The following AGGF1 variants were observed in gnomAD, a reference collection of about 807,000 sequenced individuals.
AGGF1 encodes angiogenic factor with G patch and FHA domains 1.
In AGGF1, 56 loss-of-function variants were observed where a neutral mutation model predicts 86.5. The observed-to-expected ratio is 0.65, with a 90% CI of 0.52 to 0.81. AGGF1 has a LOEUF of 0.81. Among genes scored for constraint, AGGF1 ranks in the 30% least tolerant of loss-of-function variants. The pLI is 0.00. For missense variants in AGGF1, 816 were observed against 850.9 expected (o/e 0.96, Z 0.51); for synonymous variants, 313 against 297.1 (o/e 1.05, Z -0.55).
intron 11 of AGGF1, among the ~76,000 whole-genome samples, chr5:77,057,611 AC>A (rs1467457538): frequency 9.2e-5 from 14 of 152,348 alleles, no homozygotes; most frequent in African/African-American, 3.1e-4. Context: ...CTTACTACTT[AC>A]AAATAGTGAG....
chr5:77,043,511 C>T (rs1405950533), intron 5 of AGGF1, among the ~76,000 whole-genome samples: 418 of 101,780 alleles, frequency 4.1e-3, no homozygotes, highest in Middle Eastern at 0.012. Flanking sequence ...CCCTCCCGGA[C>T]GGGGCGGCTG....
intron 8 of AGGF1, among the ~76,000 whole-genome samples, chr5:77,049,934 T>C (rs1747340481): frequency 6.6e-6 from 1 of 152,186 alleles, no homozygotes; most frequent in African/African-American, 2.4e-5. Flanking sequence ...TTTTCCTGTT[T>C]TGCTTTTCTC....
At chr5:77,059,036 C>T (rs1477393240) in intron 11 of AGGF1, among the ~76,000 whole-genome samples, 1 of 152,200 alleles carries the variant, frequency 6.6e-6, no homozygotes, top group Non-Finnish European at 1.5e-5. Context: ...AAAGTCTCTA[C>T]ATTTCTCCCT....
Position 77,048,187 on chromosome 5 carries a change from A to G in AGGF1, c.1228A>G (p.Ile410Val), listed in dbSNP as rs750070544. ...TGAAGACAAAATTTGGCCCCCATGT[A>G]TTAGAGTAATTGTCATTAGATCACC... ...EDEDKIWPPC[I>V]RVIVIRSPVL... Residue 410 changes from isoleucine (I) to valine (V), a missense_variant, in exon 7 of 14, where the codon ATT (isoleucine) becomes GTT (valine). Physicochemically the swap from Ile to Val is conservative, Grantham distance 29. Transcript: ENST00000312916. 16 of 1,613,244 alleles carry G rather than the reference A, an allele frequency of 9.9e-6. No individual in the cohort carries two copies. Among genetic ancestry groups the G allele is most frequent in the Middle Eastern group, 1.7e-4 (1 of 5,972 alleles).
Position 77,030,720 on chromosome 5 carries a change from C to A in AGGF1, c.-47C>A. 6.5e-7 allele frequency: 1 copy of A among 1,541,274 alleles called. No individual in the cohort carries two copies. Among genetic ancestry groups the A allele is most frequent in the Non-Finnish European group, 8.7e-7 (1 of 1,149,266 alleles). ...TGGGTCCGCCGGCGTCCGTTTCGGC[C>A]TGAACGCAGCCCCTCCGCGGCGACG... On this transcript the variant is annotated 5_prime_UTR_variant, in exon 1 of 14. It adds an upstream start codon to the 5' untranslated region. Coordinates refer to ENST00000312916, the MANE Select transcript of AGGF1 (RefSeq NM_018046.5).
In AGGF1 at chr5:77,052,814, G is replaced by T; in HGVS notation, c.1467+7G>T. ...TGGAAAACAGATTCTTCAGGTGAGT[G>T]TATATGTGTTAATTTGTTACCTGCA... On this transcript the variant is annotated splice_region_variant and intron_variant, in intron 9 of 13. Coordinates refer to ENST00000312916, the MANE Select transcript of AGGF1 (RefSeq NM_018046.5). 6.2e-7 allele frequency: 1 copy of T among 1,601,726 alleles called. No individual in the cohort carries two copies.
rs111725645 is a variant in AGGF1, at chr5:77,034,489, A to G, written c.282A>G (p.Gln94=). The change falls in exon 2 of 14, where the codon CAA becomes CAG. Residue 94 remains glutamine (Q), a synonymous_variant. Transcript: ENST00000312916. ...ATAAAAAGTCTGATGTAGAAGTACA[A>G]ACAGAGAACCATGCTCCTTGGTCAA... ...EDNKKSDVEV[Q]TENHAPWSIS... is the part of the protein sequence containing the mutation. The G allele has an allele frequency of 1.9e-6, 3 of 1,613,076 alleles. No individual in the cohort carries two copies. In the South Asian group the frequency reaches 3.3e-5, roughly 18 times the overall value.
chr5:77,059,999 G>T (rs1023841311), intron 12 of AGGF1, among the ~76,000 whole-genome samples: 1 of 152,062 alleles, frequency 6.6e-6, no homozygotes, highest in Admixed American at 6.5e-5. Flanking sequence ...GTGCCATCAC[G>T]CCCAGCTAAT....
intron 12 of AGGF1, 39 bp from the exon 13 acceptor site, chr5:77,061,664 T>C (rs771854732): frequency 6.5e-7 from 1 of 1,547,852 alleles, no homozygotes; most frequent in Non-Finnish European, 8.9e-7. Context: ...ACCTAAAAGA[T>C]CTTTTATAAA....
chr5:77,050,546 T>C (rs963446974), intron 8 of AGGF1, among the ~76,000 whole-genome samples: 8 of 152,068 alleles, frequency 5.3e-5, no homozygotes, highest in African/African-American at 1.9e-4. Flanking sequence ...GATAATTTGT[T>C]GGTGAAGTCA....
At chr5:77,050,306 C>CTTTTTT (rs10595061) in intron 8 of AGGF1, among the ~76,000 whole-genome samples, 41 of 76,576 alleles carry the variant, frequency 5.4e-4, no homozygotes, top group African/African-American at 7.5e-4. Context: ...TTCTTTGTTT[C>CTTTTTT]TTTTTTTTTT....
intron 4 of AGGF1, among the ~76,000 whole-genome samples, chr5:77,037,125 C>G (rs970981786): frequency 2.6e-5 from 4 of 152,146 alleles, no homozygotes; most frequent in African/African-American, 9.7e-5. Flanking sequence ...TGCTACACTT[C>G]TAAGTTTTTA....
chr5:77,064,767 G>A lies in AGGF1; in HGVS notation c.*1515G>A, dbSNP rs183787629. The A allele has an allele frequency of 6.6e-6, 1 of 152,310 alleles. No individual in the cohort carries two copies. Among genetic ancestry groups the A allele is most frequent in the East Asian group, 1.9e-4 (1 of 5,190 alleles). 9.4% of individuals were successfully genotyped at this position (152,310 alleles called of 1,614,324 possible). On this transcript the variant is annotated 3_prime_UTR_variant, in exon 14 of 14. Coordinates refer to ENST00000312916, the MANE Select transcript of AGGF1 (RefSeq NM_018046.5). Reference sequence around the variant, plus strand: ...GTCTAAATGTGGTTCTGGTGCTGGTGCCCTGTATATATGTAACAATATAGG... The same window carrying A: ...GTCTAAATGTGGTTCTGGTGCTGGTACCCTGTATATATGTAACAATATAGG...
At chr5:77,051,847 C>A (rs1432799888) in intron 8 of AGGF1, among the ~76,000 whole-genome samples, 1 of 152,148 alleles carries the variant, frequency 6.6e-6, no homozygotes, top group Non-Finnish European at 1.5e-5. Flanking sequence ...TATATCCACA[C>A]AATGGATTAC....
intron 13 of AGGF1, among the ~76,000 whole-genome samples, chr5:77,062,246 C>T (rs1260658209): frequency 6.6e-6 from 1 of 152,116 alleles, no homozygotes; most frequent in Non-Finnish European, 1.5e-5. Context: ...AATTAATGGT[C>T]CCATGGTTCG....
chr5:77,044,172 CAG>C (rs1246983522), intron 5 of AGGF1, among the ~76,000 whole-genome samples: 3 of 147,906 alleles, frequency 2.0e-5, no homozygotes, highest in East Asian at 2.0e-4. Flanking sequence ...ACTTCCCAGA[CAG>C]GGTGGCGGCC....
chr5:77,046,744 A>T, intron 6 of AGGF1, 67 bp downstream of exon 6: 1 of 1,410,732 alleles, frequency 7.1e-7, no homozygotes, highest in South Asian at 1.2e-5. Flanking sequence ...AAAACCATTA[A>T]AAATGTTAGT....
intron 5 of AGGF1, among the ~76,000 whole-genome samples, chr5:77,043,263 A>G (rs1747160714): frequency 3.6e-5 from 1 of 27,816 alleles, no homozygotes; most frequent in African/African-American, 1.2e-4. Flanking sequence ...GCGGCCGGGC[A>G]GAGGCGCCCC....
At chr5:77,046,280 T>A in intron 5 of AGGF1, 67 bp from the exon 6 acceptor site, 2 of 1,296,500 alleles carry the variant, frequency 1.5e-6, no homozygotes, top group Non-Finnish European at 2.2e-6. Flanking sequence ...CTTGATGTAA[T>A]GTTATAAGAT....
Sources: gnomAD v4.1 joint callset for allele counts (sites outside exome capture counted in the v4.1 genomes callset) on GRCh38, gnomAD v4.1.1 for gene constraint, MANE v1.5 for transcripts, NCBI Gene and HGNC (gene_info 2026-07-23, HGNC 2026-07-21) for gene names.